The following PPFIA4 variants were observed in gnomAD, a reference collection of about 807,000 sequenced individuals.
PPFIA4 encodes PPFI scaffold protein A4.
Under a neutral mutation model 145.7 loss-of-function variants are expected in PPFIA4, and 98 were observed. The ratio of observed to expected loss-of-function variants is 0.67; its 90% CI spans 0.57 to 0.80. PPFIA4 has a LOEUF of 0.80. Ranked by LOEUF, PPFIA4 falls within the 30% of genes least tolerant of loss-of-function variation. The pLI, the probability that PPFIA4 is intolerant of heterozygous loss-of-function variation, is 0.00. For synonymous variants in PPFIA4, 628 were observed against 649.6 expected, an observed-to-expected ratio of 0.97 and a Z score of 0.51; for missense variants, 1,457 against 1,632.7, an observed-to-expected ratio of 0.89 and a Z score of 1.85.
At position 203,052,047 on chromosome 1, in the gene PPFIA4, C is replaced by CG. The variant is rs1276585147; in HGVS notation, c.1620+170_1620+171insG. Among the ~76,000 whole-genome samples, 51 of 133,858 alleles carry CG rather than the reference C, an allele frequency of 3.8e-4. No homozygotes were observed. In the East Asian group the frequency reaches 9.4e-3, roughly 25 times the overall value. The allele number at this position is 133,858 out of a possible 152,430, so 87.8% of individuals were successfully genotyped here. On this transcript the variant is annotated intron_variant, in intron 14 of 29. Transcript: ENST00000295706. ...CCATCGTCAGCTGCAACAGCTGTGC[C>CG]CCCCCCCCCGCTTGCCTTGGCCTCC...
At chr1:203,046,605 G>T (rs139220001) in intron 9 of PPFIA4, 39 of 445,172 alleles carry the variant, frequency 8.8e-5, no homozygotes, top group African/African-American at 5.9e-4. Flanking sequence ...ATAAGAAGGG[G>T]TGTAAAAGTA....
intron 1 of PPFIA4, among the ~76,000 whole-genome samples, chr1:203,027,812 C>T (rs1204523614): frequency 6.6e-6 from 1 of 152,176 alleles, no homozygotes; most frequent in Non-Finnish European, 1.5e-5. Flanking sequence ...CTGTTAACAC[C>T]CTTCTCACCG....
chr1:203,056,280 A>G lies in PPFIA4; in HGVS notation c.2107-95A>G. 1.9e-6 allele frequency: 3 copies of G among 1,597,350 alleles called. No homozygotes were observed. The Admixed American group carries it at 5.1e-5, about 27-fold the overall frequency. ...TCAGAGAGGCACCCAGGGCCTCCCC[A>G]CTGCATTTCTCCATGCTCCGCCACC... On this transcript the variant is annotated intron_variant, in intron 17 of 29. Transcript: ENST00000295706.
intron 19 of PPFIA4, 70 bp from the exon 20 acceptor site, chr1:203,059,108 C>T: frequency 3.9e-6 from 5 of 1,271,918 alleles, no homozygotes; most frequent in Non-Finnish European, 5.6e-6. Flanking sequence ...GCTTCTGTTC[C>T]CCACCCCTGA....
chr1:203,056,039 T>G, intron 16 of PPFIA4, 81 bp from the exon 17 acceptor site: 1 of 1,441,842 alleles, frequency 6.9e-7, no homozygotes, highest in Non-Finnish European at 9.6e-7. Context: ...CTTCTCATCC[T>G]AAGACCACTG....
chr1:203,045,350 C>T lies in PPFIA4; in HGVS notation c.667-18C>T, dbSNP rs1203015498. On this transcript the variant is annotated intron_variant, in intron 6 of 29. Transcript: ENST00000295706. ...GATGCTGCTGTGACTCACAGAGCTA[C>T]TGTCCCTATCCCTGGAGGAGGATAC... The T allele has an allele frequency of 6.4e-7, 1 of 1,556,030 alleles. No homozygotes were observed. Among genetic ancestry groups the T allele is most frequent in the Non-Finnish European group, 8.7e-7 (1 of 1,151,676 alleles).
At position 203,076,788 on chromosome 1, in the gene PPFIA4, G is replaced by T. The variant is rs1394485432; in HGVS notation, c.*398G>T. 1.2e-5 allele frequency: 3 copies of T among 243,234 alleles called. No homozygotes were observed. Among genetic ancestry groups the T allele is most frequent in the Non-Finnish European group, 2.4e-5 (3 of 124,546 alleles). The allele number at this position is 243,234 out of a possible 1,614,324, so 15.1% of individuals were successfully genotyped here. On this transcript the variant is annotated 3_prime_UTR_variant, in exon 30 of 30. Coordinates refer to ENST00000295706, the MANE Select transcript of PPFIA4 (RefSeq NM_001304331.2). ...GGCTGGGATGGTCCTTCCAAGAAAG[G>T]GTCATTTCAGACGCAGCCCTGCTTG... is the stretch of plus-strand genomic sequence containing the variant.
chr1:203,076,058 G>A (rs1662518961), intron 29 of PPFIA4: 1 of 590,254 alleles, frequency 1.7e-6, no homozygotes, highest in Non-Finnish European at 2.9e-6. Context: ...GTCTGACGGG[G>A]GAGTGCCCGT....
chr1:203,054,689 C>G (rs1660781556), intron 15 of PPFIA4, among the ~76,000 whole-genome samples: 1 of 151,858 alleles, frequency 6.6e-6, no homozygotes, highest in African/African-American at 2.4e-5. Context: ...CACACACACA[C>G]ACACACACAC....
intron 28 of PPFIA4, among the ~76,000 whole-genome samples, chr1:203,072,960 C>T (rs1033416351): frequency 3.3e-5 from 5 of 149,380 alleles, no homozygotes; most frequent in African/African-American, 7.4e-5. Flanking sequence ...GATATTGACC[C>T]TCCCACTAAT....
At chr1:203,061,739 T>C (rs1373843577) in intron 24 of PPFIA4, 61 bp downstream of exon 24, 1 of 1,499,896 alleles carries the variant, frequency 6.7e-7, no homozygotes, top group Non-Finnish European at 9.0e-7. Flanking sequence ...GTTCTTCTGG[T>C]AGGTTCTCTC....
At chr1:203,044,342 C>T (rs1270284862) in intron 4 of PPFIA4, 37 bp from the exon 5 acceptor site, 1 of 1,539,916 alleles carries the variant, frequency 6.5e-7, no homozygotes, top group Non-Finnish European at 8.8e-7. Flanking sequence ...CAAGTGGGGT[C>T]CCCCTTTCTT....
Position 203,043,315 on chromosome 1 carries a change from G to A in PPFIA4, c.235-82G>A. On this transcript the variant is annotated intron_variant, in intron 2 of 29. Transcript: ENST00000295706. The surrounding 1 kb of genome is among the most constrained non-coding windows in gnomAD (Gnocchi z 4.4). ...TGGTGGAAGTAAGGGATGGGTGAGA[G>A]GATCCCACCACTGACTTGCATGTGC... 1 of 1,205,888 alleles carries A rather than the reference G, an allele frequency of 8.3e-7. No homozygotes were observed. The highest frequency in any genetic ancestry group is 1.2e-6 in the Non-Finnish European group (1 of 836,356). The allele number at this position is 1,205,888 out of a possible 1,614,324, so 74.7% of individuals were successfully genotyped here. A position where few individuals can be genotyped will look rare whatever the true frequency, so the allele number is the denominator to read the frequency against.
intron 19 of PPFIA4, 112 bp downstream of exon 19, chr1:203,057,062 GCC>G: frequency 6.5e-7 from 1 of 1,541,966 alleles, no homozygotes; most frequent in Non-Finnish European, 8.8e-7. Context: ...GTTGGGGGAA[GCC>G]CCAGGCAGGT....
intron 25 of PPFIA4, among the ~76,000 whole-genome samples, chr1:203,064,926 A>G (rs6660340): frequency 6.6e-6 from 1 of 152,174 alleles, no homozygotes; most frequent in Non-Finnish European, 1.5e-5. Context: ...CCTTCTTAAC[A>G]TCCAGCTTCA....
At chr1:203,071,116 A>G (rs1016757253) in intron 27 of PPFIA4, among the ~76,000 whole-genome samples, 1 of 150,788 alleles carries the variant, frequency 6.6e-6, no homozygotes, top group African/African-American at 2.4e-5. Flanking sequence ...TGCCCAGTTA[A>G]TTAAATTTTT....
intron 1 of PPFIA4, among the ~76,000 whole-genome samples, chr1:203,028,025 G>A (rs1443036450): frequency 6.6e-6 from 1 of 152,182 alleles, no homozygotes; most frequent in African/African-American, 2.4e-5. Context: ...TTTGTCCTGA[G>A]GCTTGAGGAG....
intron 13 of PPFIA4, chr1:203,051,061 C>T (rs1660471173): frequency 1.1e-6 from 1 of 873,186 alleles, no homozygotes; most frequent in African/African-American, 1.8e-5. Context: ...TGGACTCCCT[C>T]AAGGGTTCCA....
intron 24 of PPFIA4, among the ~76,000 whole-genome samples, 200 bp downstream of exon 24, chr1:203,061,878 G>A (rs1164649477): frequency 6.6e-6 from 1 of 151,906 alleles, no homozygotes; most frequent in Non-Finnish European, 1.5e-5. Flanking sequence ...GGTGGCAGGT[G>A]AGGAGCCCTG....
Sources: gnomAD v4.1 joint callset for allele counts (sites outside exome capture counted in the v4.1 genomes callset) on GRCh38, gnomAD v4.1.1 for gene constraint, Gnocchi (gnomAD v3.1) non-coding constraint, MANE v1.5 for transcripts, NCBI Gene and HGNC (gene_info 2026-07-23, HGNC 2026-07-21) for gene names.